The following USF3 variants were observed in gnomAD, a reference collection of about 807,000 sequenced individuals.
The protein encoded by USF3 is upstream transcription factor family member 3.
USF3 carries 29 observed loss-of-function variants against 157.5 expected under a neutral mutation model. That is an observed-to-expected ratio of 0.18 (90% CI 0.14 to 0.25). The LOEUF (loss-of-function observed/expected upper bound fraction) is 0.25. Among genes scored for constraint, USF3 ranks in the 10% least tolerant of loss-of-function variants. The probability of loss-of-function intolerance (pLI) is 1.00; values close to 1 mark genes in which losing one functional copy is unlikely to be tolerated. For synonymous variants in USF3, 893 were observed against 941.4 expected, an observed-to-expected ratio of 0.95 and a Z score of 0.94; for missense variants, 2,381 against 2,667.6, an observed-to-expected ratio of 0.89 and a Z score of 2.37.
At chr3:113,679,411 CTTT>C (rs34641216) in intron 1 of USF3, among the ~76,000 whole-genome samples, 10 of 117,994 alleles carry the variant, frequency 8.5e-5, no homozygotes, top group East Asian at 2.4e-4. Context: ...AGAGAAAGTT[CTTT>C]TTTTTTTTTT....
In USF3 at chr3:113,659,952, CCTA is replaced by C. The variant is rs757438455; in HGVS notation, c.1727_1729del (p.Val576del). On this transcript the variant is annotated inframe_deletion, in exon 7 of 7. Coordinates refer to ENST00000316407, the MANE Select transcript of USF3 (RefSeq NM_001009899.4). ...AGCCTGTATGATTACTATCTGTTGA[CCTA>C]CTGTTTGGTTGGAAACTTCTGCCCT... 4.3e-6 allele frequency: 7 copies of C among 1,614,146 alleles called. 1 individual carries two copies. The South Asian group carries it at 7.7e-5, about 18-fold the overall frequency.
Position 113,655,047 on chromosome 3 carries a change from G to T in USF3, c.6635C>A (p.Thr2212Lys). 6.2e-7 allele frequency: 1 copy of T among 1,614,198 alleles called. No individual in the cohort carries two copies. The highest frequency in any genetic ancestry group is 8.5e-7 in the Non-Finnish European group (1 of 1,180,010). ...PDGSAMSPLL[T>K]IANSSASDSS... Reference sequence around the variant, plus strand: ...GTCAGAGGCAGAGGAATTTGCTATTGTAAGCAAAGGTGACATTGCTGAGCC... The same window carrying T: ...GTCAGAGGCAGAGGAATTTGCTATTTTAAGCAAAGGTGACATTGCTGAGCC... Residue 2212 changes from threonine to lysine, a missense_variant, in exon 7 of 7, where the codon ACA becomes AAA. Physicochemically the swap from Thr to Lys is moderately conservative, Grantham distance 78. Transcript: ENST00000316407.
intron 1 of USF3, among the ~76,000 whole-genome samples, chr3:113,684,410 A>T (rs1447359139): frequency 6.6e-6 from 1 of 152,118 alleles, no homozygotes; most frequent in Admixed American, 6.5e-5. Flanking sequence ...AGGTTTGGAA[A>T]GTTCTCCAAT....
At chr3:113,663,783 T>C (rs1027810284) in intron 6 of USF3, among the ~76,000 whole-genome samples, 8 of 152,258 alleles carry the variant, frequency 5.3e-5, no homozygotes, top group Non-Finnish European at 1.0e-4. Flanking sequence ...AAAAGAGAAC[T>C]CATTTGATGG....
chr3:113,681,893 G>C (rs1213509716), intron 1 of USF3, among the ~76,000 whole-genome samples: 1 of 150,434 alleles, frequency 6.6e-6, no homozygotes, highest in African/African-American at 2.4e-5. Context: ...TAATTTTTTT[G>C]CATTTTTAGT....
In USF3 at chr3:113,655,570, C is replaced by T. The variant is rs1947340030; in HGVS notation, c.6112G>A (p.Val2038Ile). 6.2e-7 allele frequency: 1 copy of T among 1,614,162 alleles called. No individual in the cohort carries two copies. Among genetic ancestry groups the T allele is most frequent in the Non-Finnish European group, 8.5e-7 (1 of 1,180,018 alleles). Residue 2038 changes from valine to isoleucine, a missense_variant, in exon 7 of 7, where the codon GTT (valine) becomes ATT (isoleucine). Physicochemically the swap from Val to Ile is conservative, Grantham distance 29 (BLOSUM62 3). Coordinates refer to ENST00000316407, the MANE Select transcript of USF3 (RefSeq NM_001009899.4). ...QPATEKRGSI[V>I]RFMPDSPQVP... ...TGTGGGCTATCAGGCATGAAACGAA[C>T]AATACTTCCTCTCTTCTCTGTGGCA...
intron 5 of USF3, among the ~76,000 whole-genome samples, chr3:113,664,972 C>A (rs1947541043): frequency 6.6e-6 from 1 of 152,188 alleles, no homozygotes; most frequent in Non-Finnish European, 1.5e-5. Context: ...GGCACTTGAT[C>A]TTGGACTTCC....
At chr3:113,662,741 C>T (rs1429509794) in intron 6 of USF3, among the ~76,000 whole-genome samples, 1 of 152,162 alleles carries the variant, frequency 6.6e-6, no homozygotes, top group Non-Finnish European at 1.5e-5. Flanking sequence ...TAACAGCTAA[C>T]ATTTATCAAG....
At position 113,649,758 on chromosome 3, in the gene USF3, G is replaced by T; in HGVS notation, c.*5186C>A. The T allele has an allele frequency of 1.4e-6, 1 of 698,752 alleles. No homozygotes were observed. Among genetic ancestry groups the T allele is most frequent in the Non-Finnish European group, 2.6e-6 (1 of 383,538 alleles). The allele number at this position is 698,752 out of a possible 1,614,324, so 43.3% of individuals were successfully genotyped here. ...AGGCTACAGGTGGAAAGATCTAGAA[G>T]CTCTGTGTCCAACAAGGTCCTCACG... On this transcript the variant is annotated 3_prime_UTR_variant, in exon 7 of 7. Transcript: ENST00000316407.
At chr3:113,676,287 C>T (rs894415857) in intron 2 of USF3, among the ~76,000 whole-genome samples, 1 of 152,170 alleles carries the variant, frequency 6.6e-6, no homozygotes, top group African/African-American at 2.4e-5. Flanking sequence ...AGTCCATTGT[C>T]ACGCTGCTAT....
In USF3 at chr3:113,660,830, C is replaced by G; in HGVS notation, c.852G>C (p.Lys284Asn). 1 of 1,614,132 alleles carries G rather than the reference C, an allele frequency of 6.2e-7. No individual in the cohort carries two copies. The highest frequency in any genetic ancestry group is 8.5e-7 in the Non-Finnish European group (1 of 1,180,024). Residue 284 changes from lysine to asparagine, a missense_variant, in exon 7 of 7, where the codon AAG becomes AAC. Physicochemically the swap from Lys to Asn is moderately conservative, Grantham distance 94 (BLOSUM62 0). Around this residue, in one of 6 missense-constraint regions of USF3, gnomAD observed 1,435 missense variants for 1,550.9 expected, o/e 0.93. Transcript: ENST00000316407. ...CLNDQNSSEN[K>N]NGQENPKVLK... is the part of the protein sequence containing the mutation. ...ATACTTTGGGGTTCTCTTGTCCATT[C>G]TTATTTTCAGAAGAATTTTGATCAT...
At chr3:113,688,942 A>G (rs1242432418) in intron 1 of USF3, among the ~76,000 whole-genome samples, 1 of 152,146 alleles carries the variant, frequency 6.6e-6, no homozygotes, top group African/African-American at 2.4e-5. Context: ...GAGGCCGGAG[A>G]ATGGTATGAA....
chr3:113,695,284 C>G (rs970808243), intron 1 of USF3, among the ~76,000 whole-genome samples: 1 of 152,090 alleles, frequency 6.6e-6, no homozygotes, highest in African/African-American at 2.4e-5. Flanking sequence ...CACATGTATC[C>G]CAAACAGCAA....
At position 113,659,456 on chromosome 3, in the gene USF3, A is replaced by G; in HGVS notation, c.2226T>C (p.Asn742=). The change falls in exon 7 of 7, where the codon AAT becomes AAC. Residue 742 remains asparagine (N), a synonymous_variant. Transcript: ENST00000316407. Reference sequence around the variant, plus strand: ...CACAGTTAGCTGTAGTGGTTTGACTATTTGCAGCAGTTTGAGAATTGGCAG... The same window carrying G: ...CACAGTTAGCTGTAGTGGTTTGACTGTTTGCAGCAGTTTGAGAATTGGCAG... ...SQPANSQTAA[N]SQTTTANCVS... 1.2e-6 allele frequency: 2 copies of G among 1,614,200 alleles called. No homozygotes were observed. Among genetic ancestry groups the G allele is most frequent in the Non-Finnish European group, 1.7e-6 (2 of 1,180,034 alleles).
intron 2 of USF3, 111 bp downstream of exon 2, chr3:113,677,170 TG>T (rs939833914): frequency 1.3e-5 from 2 of 152,216 alleles, no homozygotes; most frequent in African/African-American, 4.8e-5. Context: ...CCCTACCATT[TG>T]TGAAGTACCT....
In USF3 at chr3:113,659,721, A is replaced by G. The variant is rs772473786; in HGVS notation, c.1961T>C (p.Val654Ala). Residue 654 changes from valine (V) to alanine (A), a missense_variant, in exon 7 of 7, where the codon GTT becomes GCT. By Grantham distance (64) the Val-to-Ala change is moderately conservative. Around this residue, in one of 6 missense-constraint regions of USF3, gnomAD observed 1,435 missense variants for 1,550.9 expected, o/e 0.93. Coordinates refer to ENST00000316407, the MANE Select transcript of USF3 (RefSeq NM_001009899.4). Reference sequence around the variant, plus strand: ...TTGAGGCTGTTGGTTTGACATGGTAACAGAAAAAGTTTGTGTTGAGTTAGA... The same window carrying G: ...TTGAGGCTGTTGGTTTGACATGGTAGCAGAAAAAGTTTGTGTTGAGTTAGA... ...SASNSTQTFSVTMSNQQPQTI... is the reference protein window; with the variant it reads ...SASNSTQTFSATMSNQQPQTI... 75 of 1,614,150 alleles carry G rather than the reference A, an allele frequency of 4.6e-5. No homozygotes were observed. The highest frequency in any genetic ancestry group is 5.6e-5 in the Non-Finnish European group (66 of 1,180,056).
At position 113,653,677 on chromosome 3, in the gene USF3, T is replaced by G. The variant is rs1337637508; in HGVS notation, c.*1267A>C. On this transcript the variant is annotated 3_prime_UTR_variant, in exon 7 of 7. Coordinates refer to ENST00000316407, the MANE Select transcript of USF3 (RefSeq NM_001009899.4). Reference sequence around the variant, plus strand: ...GCTTTAGCAGGTCTCAGGTCTCAATTTCCCATTTTCAGATGGCAGGCCTGT... The same window carrying G: ...GCTTTAGCAGGTCTCAGGTCTCAATGTCCCATTTTCAGATGGCAGGCCTGT... 1.3e-5 allele frequency: 2 copies of G among 151,814 alleles called. No homozygotes were observed. Among genetic ancestry groups the G allele is most frequent in the East Asian group, 3.9e-4 (2 of 5,190 alleles). 9.4% of individuals were successfully genotyped at this position (151,814 alleles called of 1,614,324 possible). A position where few individuals can be genotyped will look rare whatever the true frequency, so the allele number is the denominator to read the frequency against.
chr3:113,666,333 C>G (rs145817249), intron 5 of USF3, among the ~76,000 whole-genome samples: 1 of 140,096 alleles, frequency 7.1e-6, no homozygotes, highest in Non-Finnish European at 1.5e-5. Context: ...CTCACTGCAA[C>G]CTCTGCCTTT....
rs751613927 is a variant in USF3, at chr3:113,657,485, T to G, written c.4197A>C (p.Thr1399=). The change falls in exon 7 of 7, where the codon ACA becomes ACC. Residue 1399 remains threonine (T), a synonymous_variant. Coordinates refer to ENST00000316407, the MANE Select transcript of USF3 (RefSeq NM_001009899.4). ...AGTTGTTACTAGGTGGAAATAATCGTGTAAGGCCATCTCCATGAGCTGGGT... is the reference window on the plus strand; with the variant it reads ...AGTTGTTACTAGGTGGAAATAATCGGGTAAGGCCATCTCCATGAGCTGGGT... ...VSNPAHGDGL[T]RLFPPSNNFV... The G allele has an allele frequency of 1.9e-6, 3 of 1,613,978 alleles. No homozygotes were observed. The South Asian group carries it at 3.3e-5, about 18-fold the overall frequency.
Sources: allele counts gnomAD v4.1 joint callset (sites outside exome capture counted in the v4.1 genomes callset), GRCh38; gene constraint gnomAD v4.1.1; regional missense constraint gnomAD v4.1.1; transcripts MANE v1.5; gene names NCBI Gene and HGNC (gene_info 2026-07-23, HGNC 2026-07-21).